IL20RB: variants seen among roughly 807,000 people sequenced by gnomAD.
The protein encoded by IL20RB is interleukin-20 receptor subunit beta.
A neutral mutation model predicts 33.3 loss-of-function variants in IL20RB; 21 were observed. The ratio of observed to expected loss-of-function variants is 0.63; its 90% CI spans 0.45 to 0.91. The LOEUF (loss-of-function observed/expected upper bound fraction) is 0.91, where lower values mean the gene tolerates loss of function less well. Ranked by LOEUF, IL20RB falls within the 40% of genes least tolerant of loss-of-function variation. IL20RB has a pLI of 0.00. For missense variants in IL20RB, 345 were observed against 384.8 expected (o/e 0.90, Z 0.86); for synonymous variants, 147 against 146.8 (o/e 1.00, Z -0.01).
intron 1 of IL20RB, among the ~76,000 whole-genome samples, chr3:136,976,722 C>G (rs908509205): frequency 6.6e-6 from 1 of 152,232 alleles, no homozygotes; most frequent in African/African-American, 2.4e-5. Flanking sequence ...ATGCTTCAGT[C>G]TTGGTGCTGC....
chr3:136,970,151 G>T lies in IL20RB; in HGVS notation c.89-10315G>T, dbSNP rs530356532. ...CTGTCACCCCAGGCTAGAGTGCAATGCCTCAATCACAGCTCACTGCGGTCT... is the reference window on the plus strand; with the variant it reads ...CTGTCACCCCAGGCTAGAGTGCAATTCCTCAATCACAGCTCACTGCGGTCT... On this transcript the variant is annotated intron_variant, in intron 1 of 6. Transcript: ENST00000329582. Among the ~76,000 whole-genome samples the T allele has an allele frequency of 6.6e-5, 10 of 151,582 alleles. No individual in the cohort carries two copies. The East Asian group carries it at 1.9e-3, about 29-fold the overall frequency.
intron 1 of IL20RB, among the ~76,000 whole-genome samples, chr3:136,977,477 T>A (rs1206022382): frequency 2.0e-5 from 3 of 152,198 alleles, no homozygotes; most frequent in Non-Finnish European, 4.4e-5. Flanking sequence ...CCTATTTTTT[T>A]AGTGATTATA....
chr3:136,958,839 T>C lies in IL20RB; in HGVS notation c.88+638T>C, dbSNP rs567768694. The stretch of plus-strand genomic sequence containing the variant: ...ATGTTTGTTCATGTCAAATCACGTT[T>C]AAGAGAAACTTCTAATTTTGATACT... On this transcript the variant is annotated intron_variant, in intron 1 of 6. Transcript: ENST00000329582. 3.9e-5 allele frequency among the ~76,000 whole-genome samples: 6 copies of C among 152,262 alleles called. No homozygotes were observed. The South Asian group carries it at 1.2e-3, about 32-fold the overall frequency.
chr3:137,003,122 T>G (rs1051200795), intron 6 of IL20RB, among the ~76,000 whole-genome samples: 23 of 152,114 alleles, frequency 1.5e-4, no homozygotes, highest in Non-Finnish European at 3.1e-4. Flanking sequence ...CTGTTCCATT[T>G]GTCTATATCT....
rs895329656 is a variant in IL20RB, at chr3:137,010,453, G to T, written c.*230G>T. 4.4e-6 allele frequency: 2 copies of T among 454,650 alleles called. No individual in the cohort carries two copies. The highest frequency in any genetic ancestry group is 3.9e-5 in the African/African-American group (2 of 51,300). 28.2% of individuals were successfully genotyped at this position (454,650 alleles called of 1,614,324 possible). A position where few individuals can be genotyped will look rare whatever the true frequency, so the allele number is the denominator to read the frequency against. ...TCTAGACTGGGGGCTGCCACTTGCT[G>T]GCTGAGCAACCCTGGGAAAAGTGAC... On this transcript the variant is annotated 3_prime_UTR_variant, in exon 7 of 7. Transcript: ENST00000329582.
intron 1 of IL20RB, among the ~76,000 whole-genome samples, chr3:136,977,975 A>C (rs759755225): frequency 1.1e-4 from 17 of 152,122 alleles, no homozygotes; most frequent in Admixed American, 3.9e-4. Context: ...AGTGGCTAGA[A>C]CTTTCAGTAG....
chr3:136,958,911 T>TTGTCTC (rs1553801333), intron 1 of IL20RB, among the ~76,000 whole-genome samples: 1 of 150,008 alleles, frequency 6.7e-6, no homozygotes, highest in Non-Finnish European at 1.5e-5. Context: ...CTTGAGTACT[T>TTGTCTC]TCTCTCTCTC....
At position 137,010,746 on chromosome 3, in the gene IL20RB, T is replaced by C. The variant is rs139997357; in HGVS notation, c.*523T>C. On this transcript the variant is annotated 3_prime_UTR_variant, in exon 7 of 7. Transcript: ENST00000329582. ...GAGCCCACTTTCCCAGAATAATCCT[T>C]GAGAGAAAAGGAATCATGGGAGCAA... 773 of 152,418 alleles carry C rather than the reference T, an allele frequency of 5.1e-3. 6 individuals are homozygous for C. Among genetic ancestry groups the C allele is most frequent in the Middle Eastern group, 0.027 (8 of 294 alleles). 9.4% of individuals were successfully genotyped at this position (152,418 alleles called of 1,614,324 possible). A position where few individuals can be genotyped will look rare whatever the true frequency, so the allele number is the denominator to read the frequency against.
intron 1 of IL20RB, among the ~76,000 whole-genome samples, chr3:136,962,235 G>A (rs1941239743): frequency 1.3e-5 from 2 of 152,236 alleles, no homozygotes; most frequent in South Asian, 4.2e-4. Context: ...TCTCCCCCAA[G>A]GTATTTATTA....
chr3:136,967,255 G>A (rs2108178106), intron 1 of IL20RB, among the ~76,000 whole-genome samples: 1 of 151,326 alleles, frequency 6.6e-6, no homozygotes, highest in East Asian at 2.0e-4. Context: ...TATCCTTGTT[G>A]ACTTTCTGTC....
chr3:136,996,538 C>T (rs1351625101), intron 6 of IL20RB, among the ~76,000 whole-genome samples: 1 of 152,138 alleles, frequency 6.6e-6, no homozygotes, highest in African/African-American at 2.4e-5. Context: ...ATCCTTGTGA[C>T]ATCCCTGTGG....
intron 6 of IL20RB, among the ~76,000 whole-genome samples, chr3:137,008,521 G>C (rs1032031315): frequency 1.3e-5 from 2 of 152,126 alleles, no homozygotes; most frequent in African/African-American, 2.4e-5. Flanking sequence ...AAAATATGCT[G>C]AGCTTTGCTT....
At chr3:137,009,223 C>T (rs1430344049) in intron 6 of IL20RB, among the ~76,000 whole-genome samples, 1 of 152,080 alleles carries the variant, frequency 6.6e-6, no homozygotes, top group Non-Finnish European at 1.5e-5. Context: ...CCAGATGGTA[C>T]CCTTGGGAGT....
At chr3:136,992,163 G>T (rs572648394) in intron 5 of IL20RB, 75 bp downstream of exon 5, 30 of 1,477,444 alleles carry the variant, frequency 2.0e-5, no homozygotes, top group Non-Finnish European at 2.7e-5. Context: ...AGGCCTGCTG[G>T]GTTCCTTTGG....
chr3:136,990,742 T>C (rs940910650), intron 4 of IL20RB, among the ~76,000 whole-genome samples: 6 of 152,194 alleles, frequency 3.9e-5, no homozygotes, highest in African/African-American at 1.4e-4. Context: ...TAAGAGCACA[T>C]GCCTCACCAC....
chr3:136,989,367 A>G (rs1175890117), intron 3 of IL20RB, 74 bp from the exon 4 acceptor site: 1 of 1,563,460 alleles, frequency 6.4e-7, no homozygotes, highest in East Asian at 2.3e-5. Flanking sequence ...TCCATACATG[A>G]CCCGGTCATT....
rs1429195118 is a variant in IL20RB, at chr3:136,964,674, G to T, written c.88+6473G>T. On this transcript the variant is annotated intron_variant, in intron 1 of 6. Transcript: ENST00000329582. ...GTTCACTCTGATGGTAGTTTCTTTG[G>T]CTGTGCAGAAGCTCTTTAGTTTAAT... 5.6e-5 allele frequency among the ~76,000 whole-genome samples: 5 copies of T among 89,668 alleles called. 1 individual carries two copies. Among genetic ancestry groups the T allele is most frequent in the African/African-American group, 2.5e-4 (5 of 20,304 alleles). 58.8% of individuals were successfully genotyped at this position (89,668 alleles called of 152,430 possible).
At chr3:136,981,132 T>G (rs1577020222) in intron 2 of IL20RB, among the ~76,000 whole-genome samples, 1 of 152,282 alleles carries the variant, frequency 6.6e-6, no homozygotes, top group Non-Finnish European at 1.5e-5. Context: ...TAGACATTCT[T>G]CTAGGCTCAG....
intron 1 of IL20RB, among the ~76,000 whole-genome samples, chr3:136,970,379 G>C (rs534405490): frequency 6.6e-6 from 1 of 152,198 alleles, no homozygotes; most frequent in South Asian, 2.1e-4. Context: ...ACAGGTGTGA[G>C]TTGCCATGCC....
Sources: gnomAD v4.1 joint callset for allele counts (sites outside exome capture counted in the v4.1 genomes callset) on GRCh38, gnomAD v4.1.1 for gene constraint, MANE v1.5 for transcripts, NCBI Gene and HGNC (gene_info 2026-07-23, HGNC 2026-07-21) for gene names.